DIPK2B: variants seen among roughly 807,000 people sequenced by gnomAD.
DIPK2B encodes the protein UPF0672 protein CXorf36.
A neutral mutation model predicts 22.2 loss-of-function variants in DIPK2B; 15 were observed. The observed-to-expected ratio is 0.68, with a 90% CI of 0.45 to 1.04. The LOEUF (loss-of-function observed/expected upper bound fraction) is 1.04. Ranked by LOEUF, DIPK2B falls within the 50% of genes least tolerant of loss-of-function variation. The pLI is 0.00. For synonymous variants in DIPK2B, 163 were observed against 153.2 expected (o/e 1.06, Z -0.47); for missense variants, 345 against 348.3 (o/e 0.99, Z 0.08).
intron 1 of DIPK2B, among the ~76,000 whole-genome samples, chrX:45,198,450 A>G (rs1016498075): frequency 9.0e-6 from 1 of 111,087 alleles, no homozygotes; most frequent in Non-Finnish European, 1.9e-5. Context: ...ATAAACCCCA[A>G]TCTGCCCTGC....
intron 2 of DIPK2B, 73 bp downstream of exon 2, chrX:45,191,678 A>G (rs2047211200): frequency 3.7e-6 from 4 of 1,084,720 alleles, no homozygotes; most frequent in Non-Finnish European, 4.9e-6. Flanking sequence ...CTGAGATATG[A>G]GATGGGAATG....
At chrX:45,160,827 G>A (rs1192946108) in intron 2 of DIPK2B, among the ~76,000 whole-genome samples, 1 of 112,030 alleles carries the variant, frequency 8.9e-6, no homozygotes, top group Admixed American at 9.5e-5. Context: ...TTTATGCTCA[G>A]CTATACATTT....
At chrX:45,158,566 T>TC (rs1491350989) in intron 2 of DIPK2B, among the ~76,000 whole-genome samples, 2 of 109,803 alleles carry the variant, frequency 1.8e-5, no homozygotes, top group African/African-American at 6.6e-5. Context: ...CTTTTTTTTT[T>TC]CTCTCATGAC....
chrX:45,151,728 A>C lies in DIPK2B; in HGVS notation c.1226T>G (p.Ile409Ser). The change falls in exon 5 of 5, where the codon ATC (isoleucine) becomes AGC (serine). Residue 409 changes from isoleucine (I) to serine (S), a missense_variant. Ile to Ser is a moderately radical substitution (Grantham distance 142). Coordinates refer to ENST00000398000, the MANE Select transcript of DIPK2B (RefSeq NM_176819.4). ...GTCACACGTTCTCAGGGGCCTCAAGATGTCTTTCAGCTGGCTGGCGGCCCC... is the reference window on the plus strand; with the variant it reads ...GTCACACGTTCTCAGGGGCCTCAAGCTGTCTTTCAGCTGGCTGGCGGCCCC... ...VLGAASQLKD[I>S]LRPLRTCDSR... 5.0e-6 allele frequency: 6 copies of C among 1,211,709 alleles called. No individual in the cohort carries two copies. The highest frequency in any genetic ancestry group is 6.7e-6 in the Non-Finnish European group (6 of 895,434).
At chrX:45,185,943 C>T (rs762912932) in intron 2 of DIPK2B, among the ~76,000 whole-genome samples, 3 of 111,470 alleles carry the variant, frequency 2.7e-5, no homozygotes, top group East Asian at 2.8e-4. Flanking sequence ...TGAGCCACCG[C>T]GCCCGGCCGA....
In DIPK2B at chrX:45,191,910, G is replaced by C. The variant is rs768485052; in HGVS notation, c.339C>G (p.Ile113Met). ...TTTGATATTTGCTGACCAGTCTAAAGATCTCCACAGGGCGCCAGATTTTGG... is the reference window on the plus strand; with the variant it reads ...TTTGATATTTGCTGACCAGTCTAAACATCTCCACAGGGCGCCAGATTTTGG... ...DDSKIWRPVE[I>M]FRLVSKYQNE... Residue 113 changes from isoleucine (I) to methionine (M), a missense_variant, in exon 2 of 5, where the codon ATC becomes ATG. Physicochemically the swap from Ile to Met is conservative, Grantham distance 10. Transcript: ENST00000398000. 4 of 1,212,195 alleles carry C rather than the reference G, an allele frequency of 3.3e-6. No homozygotes were observed. The Admixed American group carries it at 6.5e-5, about 20-fold the overall frequency.
At chrX:45,173,076 G>T (rs1282532933) in intron 2 of DIPK2B, among the ~76,000 whole-genome samples, 3 of 111,620 alleles carry the variant, frequency 2.7e-5, no homozygotes, top group African/African-American at 9.8e-5. Flanking sequence ...TATGAGTCAG[G>T]GTTCAATCAG....
chrX:45,188,057 A>G (rs1254814417), intron 2 of DIPK2B, among the ~76,000 whole-genome samples: 1 of 111,821 alleles, frequency 8.9e-6, no homozygotes, highest in Non-Finnish European at 1.9e-5. Context: ...GTGTGAGTTG[A>G]AGAATGAGGC....
At chrX:45,174,698 C>A (rs1163142778) in intron 2 of DIPK2B, among the ~76,000 whole-genome samples, 1 of 110,202 alleles carries the variant, frequency 9.1e-6, no homozygotes, top group Non-Finnish European at 1.9e-5. Context: ...ATGGGTTCCT[C>A]AGGGGAGAAG....
At position 45,150,254 on chromosome X, in the gene DIPK2B, G is replaced by C. The variant is rs2046953158; in HGVS notation, c.*1398C>G. 1 of 111,674 alleles carries C rather than the reference G, an allele frequency of 9.0e-6. No homozygotes were observed. The highest frequency in any genetic ancestry group is 3.3e-5 in the African/African-American group (1 of 30,629). 9.2% of individuals were successfully genotyped at this position (111,674 alleles called of 1,213,427 possible). ...GACTGAGAGGTTCCTGGGGTTAAAGGCTGGCAGGGAAGCTGGGCAAATGTA... is the reference window on the plus strand; with the variant it reads ...GACTGAGAGGTTCCTGGGGTTAAAGCCTGGCAGGGAAGCTGGGCAAATGTA... On this transcript the variant is annotated 3_prime_UTR_variant, in exon 5 of 5. Transcript: ENST00000398000.
rs1480924372 is a variant in DIPK2B at position 45,169,199 on chromosome X, G to A, written c.499-11311C>T. ...AAAAGATGGTTATCCTCATAATTAC[G>A]GTACCCACCTCATGAGGGCGTTGAG... On this transcript the variant is annotated intron_variant, in intron 2 of 4. Coordinates refer to ENST00000398000, the MANE Select transcript of DIPK2B (RefSeq NM_176819.4). Among the ~76,000 whole-genome samples the A allele has an allele frequency of 1.5e-4, 17 of 111,551 alleles. No homozygotes were observed. The Admixed American group carries it at 1.6e-3, about 11-fold the overall frequency.
rs1213681041 is a variant in DIPK2B, at chrX:45,200,796, C to T, written c.31G>A (p.Ala11Thr). The change falls in exon 1 of 5, where the codon GCC becomes ACC. Residue 11 changes from alanine to threonine, a missense_variant. By Grantham distance (58) the Ala-to-Thr change is moderately conservative. Transcript: ENST00000398000. ...AGGGCCAGCCAGCCAGGGCGGAGGG[C>T]GGCAGCCTCAGGCCCCAGCTGGGGC... MEPQLGPEAAALRPGWLALLL... is the reference protein window; with the variant it reads MEPQLGPEAATLRPGWLALLL... 1.3e-5 allele frequency: 16 copies of T among 1,198,653 alleles called. No homozygotes were observed. The highest frequency in any genetic ancestry group is 2.3e-5 in the Admixed American group (1 of 44,246).
Position 45,191,817 on chromosome X carries a change from G to A in DIPK2B, c.432C>T (p.Val144=). 4 of 1,211,991 alleles carry A rather than the reference G, an allele frequency of 3.3e-6. No individual in the cohort carries two copies. The highest frequency in any genetic ancestry group is 4.5e-6 in the Non-Finnish European group (4 of 895,519). Residue 144 remains valine, a synonymous_variant, in exon 2 of 5, where the codon GTC becomes GTT. Coordinates refer to ENST00000398000, the MANE Select transcript of DIPK2B (RefSeq NM_176819.4). The part of the protein sequence containing the change: ...SAPKTCSIER[V]LRKTERFQKW... ...TCTGGAACCTCTCTGTTTTCCGCAGGACACGCTCAATGCTGCAGGTCTTTG... is the reference window on the plus strand; with the variant it reads ...TCTGGAACCTCTCTGTTTTCCGCAGAACACGCTCAATGCTGCAGGTCTTTG...
chrX:45,167,088 T>G (rs2047052588), intron 2 of DIPK2B, among the ~76,000 whole-genome samples: 2 of 112,671 alleles, frequency 1.8e-5, no homozygotes, highest in African/African-American at 6.4e-5. Context: ...ACAATGTTGA[T>G]TCAATAACTG....
At chrX:45,198,025 T>C (rs959797933) in intron 1 of DIPK2B, among the ~76,000 whole-genome samples, 2 of 112,693 alleles carry the variant, frequency 1.8e-5, no homozygotes, top group Admixed American at 9.4e-5. Context: ...TTGATGCAAT[T>C]GAATACCATG....
intron 2 of DIPK2B, among the ~76,000 whole-genome samples, chrX:45,175,634 T>G (rs1269885849): frequency 9.7e-6 from 1 of 102,856 alleles, no homozygotes; most frequent in African/African-American, 3.5e-5. Flanking sequence ...TATATATGTG[T>G]GTATATATAC....
At chrX:45,158,638 A>T (rs2047008154) in intron 2 of DIPK2B, among the ~76,000 whole-genome samples, 1 of 109,917 alleles carries the variant, frequency 9.1e-6, no homozygotes, top group Non-Finnish European at 1.9e-5. Context: ...GAACCTCCTG[A>T]TAAAAAAAAA....
intron 2 of DIPK2B, among the ~76,000 whole-genome samples, chrX:45,179,478 G>T (rs970560776): frequency 9.9e-5 from 11 of 110,801 alleles, no homozygotes; most frequent in African/African-American, 3.6e-4. Flanking sequence ...GTAGAAACAA[G>T]GAATTAAAAG....
At chrX:45,191,390 C>A (rs774601506) in intron 2 of DIPK2B, 1 of 194,710 alleles carries the variant, frequency 5.1e-6, no homozygotes, top group Non-Finnish European at 9.4e-6. Flanking sequence ...GCTAGCCTGG[C>A]GGCTGGCAAA....
Sources: gnomAD v4.1 joint callset for allele counts (sites outside exome capture counted in the v4.1 genomes callset) on GRCh38, gnomAD v4.1.1 for gene constraint, MANE v1.5 for transcripts, NCBI Gene and HGNC (gene_info 2026-07-23, HGNC 2026-07-21) for gene names.